The following PRKCE variants were observed in gnomAD, a reference collection of about 807,000 sequenced individuals.
PRKCE encodes the protein protein kinase C epsilon type.
In PRKCE, 16 loss-of-function variants were observed where a neutral mutation model predicts 85.4. The ratio of observed to expected loss-of-function variants is 0.19; its 90% CI spans 0.13 to 0.28. The LOEUF (loss-of-function observed/expected upper bound fraction) is 0.28. Among genes scored for constraint, PRKCE ranks in the 10% least tolerant of loss-of-function variants. The pLI is 1.00. For synonymous variants in PRKCE, 388 were observed against 371.5 expected (o/e 1.04, Z -0.51); for missense variants, 573 against 975.2 (o/e 0.59, Z 5.49).
intron 1 of PRKCE, among the ~76,000 whole-genome samples, chr2:45,806,814 A>G (rs985996288): frequency 4.6e-5 from 7 of 152,176 alleles, no homozygotes; most frequent in African/African-American, 4.8e-5. Context: ...GATACCATGT[A>G]CGTCAGGGAC....
intron 2 of PRKCE, among the ~76,000 whole-genome samples, chr2:45,940,472 A>G (rs1243545349): frequency 2.0e-5 from 3 of 152,244 alleles, no homozygotes; most frequent in African/African-American, 4.8e-5. Context: ...TGTTGCTGGT[A>G]TATGCAGTCA....
At chr2:45,726,697 G>T (rs1681103083) in intron 1 of PRKCE, among the ~76,000 whole-genome samples, 1 of 152,096 alleles carries the variant, frequency 6.6e-6, no homozygotes, top group East Asian at 1.9e-4. Flanking sequence ...CTGTACTTTT[G>T]ATTCTCAGGA....
At chr2:45,682,702 T>C (rs901027121) in intron 1 of PRKCE, among the ~76,000 whole-genome samples, 1 of 152,322 alleles carries the variant, frequency 6.6e-6, no homozygotes, top group Admixed American at 6.5e-5. Flanking sequence ...TTCTCCTGCC[T>C]CAGCCTCACA....
intron 11 of PRKCE, among the ~76,000 whole-genome samples, chr2:46,133,801 A>G (rs867558988): frequency 7.9e-5 from 12 of 152,244 alleles, no homozygotes; most frequent in African/African-American, 2.7e-4. Context: ...GAGGAAACCA[A>G]TAATGCTCAA....
Position 45,786,648 on chromosome 2 carries a change from G to A in PRKCE, c.349-56352G>A, listed in dbSNP as rs2105052266. Reference sequence around the variant, plus strand: ...AGTATTTTGTATGAGATTCAGGGGTGGGAGTGAGGGGGCAAGGGTTTAAGT... The same window carrying A: ...AGTATTTTGTATGAGATTCAGGGGTAGGAGTGAGGGGGCAAGGGTTTAAGT... On this transcript the variant is annotated intron_variant, in intron 1 of 14. Coordinates refer to ENST00000306156, the MANE Select transcript of PRKCE (RefSeq NM_005400.3). The surrounding 1 kb of genome is among the most constrained non-coding windows in gnomAD (Gnocchi z 5.3). Among the ~76,000 whole-genome samples the A allele has an allele frequency of 6.6e-6, 1 of 152,268 alleles. No individual in the cohort carries two copies. The highest frequency in any genetic ancestry group is 1.9e-4 in the East Asian group (1 of 5,170).
chr2:45,844,607 C>T (rs1342162162), intron 2 of PRKCE, among the ~76,000 whole-genome samples: 3 of 152,288 alleles, frequency 2.0e-5, no homozygotes, highest in East Asian at 3.9e-4. Flanking sequence ...TGCAGTGTGG[C>T]CTCCTGATTC....
chr2:45,968,570 C>A (rs555858642), intron 2 of PRKCE, among the ~76,000 whole-genome samples: 1 of 152,200 alleles, frequency 6.6e-6, no homozygotes, highest in Non-Finnish European at 1.5e-5. Flanking sequence ...TCTTAGACTT[C>A]GCTACCATGT....
rs1160816738 is a variant in PRKCE, at chr2:46,086,282, C to T, written c.1512C>T (p.Phe504=). 5.0e-6 allele frequency: 8 copies of T among 1,599,604 alleles called. No individual in the cohort carries two copies. Among genetic ancestry groups the T allele is most frequent in the South Asian group, 3.3e-5 (3 of 91,088 alleles). The change falls in exon 11 of 15, where the codon TTC becomes TTT. Residue 504 remains phenylalanine, a synonymous_variant. Coordinates refer to ENST00000306156, the MANE Select transcript of PRKCE (RefSeq NM_005400.3). The part of the protein sequence containing the change: ...LMFQIQRSRK[F]DEPRSRFYAA... ...TTCAGATTCAGCGCTCCCGAAAATTCGACGAGCCTCGTTCACGGTTCTATG... is the reference window on the plus strand; with the variant it reads ...TTCAGATTCAGCGCTCCCGAAAATTTGACGAGCCTCGTTCACGGTTCTATG...
intron 2 of PRKCE, among the ~76,000 whole-genome samples, chr2:45,969,360 T>C (rs549366334): frequency 1.2e-4 from 18 of 152,116 alleles, no homozygotes; most frequent in Non-Finnish European, 2.5e-4. Flanking sequence ...AAGAGCCAAA[T>C]GGGTCCTCTG....
chr2:45,684,469 G>A (rs1165146825), intron 1 of PRKCE, among the ~76,000 whole-genome samples: 1 of 152,230 alleles, frequency 6.6e-6, no homozygotes, highest in Non-Finnish European at 1.5e-5. Context: ...CTGCCTTGCG[G>A]CATAGCATGC....
chr2:46,183,554 G>C (rs1473976801), intron 14 of PRKCE, among the ~76,000 whole-genome samples: 2 of 152,160 alleles, frequency 1.3e-5, no homozygotes, highest in Admixed American at 6.5e-5. Context: ...TCTGTGCTGT[G>C]GGGGAGAGGG....
chr2:45,861,418 A>G (rs950260699), intron 2 of PRKCE, among the ~76,000 whole-genome samples: 5 of 152,176 alleles, frequency 3.3e-5, no homozygotes, highest in Admixed American at 2.0e-4. Context: ...GCTCTGCAGT[A>G]ATGTTTTACA....
chr2:46,069,959 C>T (rs56395141), intron 10 of PRKCE, among the ~76,000 whole-genome samples: 7,061 of 152,270 alleles, frequency 0.046, 225 homozygotes, highest in African/African-American at 0.1. Context: ...AAAGTGGTAC[C>T]TAGCCGACAG....
Position 45,781,408 on chromosome 2 carries a change from G to A in PRKCE, c.349-61592G>A, listed in dbSNP as rs547468047. Among the ~76,000 whole-genome samples the A allele has an allele frequency of 2.0e-4, 30 of 152,276 alleles. 1 individual carries two copies. In the South Asian group the frequency reaches 6.0e-3, roughly 30 times the overall value. ...CCCTATCGCAGGGAGTCCAACCTCA[G>A]CCCTGTTTTTCTTAAATGATCATAT... On this transcript the variant is annotated intron_variant, in intron 1 of 14. Coordinates refer to ENST00000306156, the MANE Select transcript of PRKCE (RefSeq NM_005400.3).
intron 2 of PRKCE, among the ~76,000 whole-genome samples, chr2:45,891,407 G>T (rs763095936): frequency 1.3e-5 from 2 of 152,222 alleles, no homozygotes; most frequent in African/African-American, 2.4e-5. Context: ...CCACAGGAAA[G>T]TCGGCCCAAG....
intron 1 of PRKCE, among the ~76,000 whole-genome samples, chr2:45,719,865 C>T (rs535572492): frequency 6.6e-6 from 1 of 152,258 alleles, no homozygotes; most frequent in Non-Finnish European, 1.5e-5. Flanking sequence ...TTCGAAGTTA[C>T]AGTGAGCTAT....
rs199623153 is a variant in PRKCE at position 46,142,422 on chromosome 2, C to CTTA, written c.1593-2670_1593-2668dup. On this transcript the variant is annotated intron_variant, in intron 11 of 14. Transcript: ENST00000306156. ...CTTTTTCTGTCATTAAGGAAAGGAA[C>CTTA]TTAAGTCCCTAACTCTTCCTGGACT... is the stretch of plus-strand genomic sequence containing the variant. Among the ~76,000 whole-genome samples, 1,019 of 152,342 alleles carry CTTA rather than the reference C, an allele frequency of 6.7e-3. 7 individuals are homozygous for CTTA. The highest frequency in any genetic ancestry group is 9.1e-3 in the Non-Finnish European group (622 of 68,036).
intron 1 of PRKCE, among the ~76,000 whole-genome samples, chr2:45,655,870 AAGGT>A (rs1369125645): frequency 1.4e-5 from 2 of 138,204 alleles, no homozygotes. Flanking sequence ...AAAAAAAAAA[AAGGT>A]AGGGAGAACT....
At position 46,163,690 on chromosome 2, in the gene PRKCE, C is replaced by T. The variant is rs547071375; in HGVS notation, c.2067+3938C>T. Among the ~76,000 whole-genome samples, 10 of 136,474 alleles carry T rather than the reference C, an allele frequency of 7.3e-5. No homozygotes were observed. In the East Asian group the frequency reaches 1.6e-3, roughly 22 times the overall value. The allele number at this position is 136,474 out of a possible 152,430, so 89.5% of individuals were successfully genotyped here. A position where few individuals can be genotyped will look rare whatever the true frequency, so the allele number is the denominator to read the frequency against. On this transcript the variant is annotated intron_variant, in intron 14 of 14. Transcript: ENST00000306156. Reference sequence around the variant, plus strand: ...ACCCCACAGAGGCCACTGAGAGACACGGGGAAGCTGAGGCACACCCCAAAG... The same window carrying T: ...ACCCCACAGAGGCCACTGAGAGACATGGGGAAGCTGAGGCACACCCCAAAG...
Sources: gnomAD v4.1 joint callset for allele counts (sites outside exome capture counted in the v4.1 genomes callset) on GRCh38, gnomAD v4.1.1 for gene constraint, Gnocchi (gnomAD v3.1) non-coding constraint, MANE v1.5 for transcripts, NCBI Gene and HGNC (gene_info 2026-07-23, HGNC 2026-07-21) for gene names.